Variants in SAMSN1 observed in about 807,000 individuals in gnomAD.
SAMSN1 encodes the protein SAM domain-containing protein SAMSN-1.
A neutral mutation model predicts 42.0 loss-of-function variants in SAMSN1; 31 were observed. That is an observed-to-expected ratio of 0.74 (90% CI 0.55 to 1.00). SAMSN1 has a LOEUF of 1.00. Among genes scored for constraint, SAMSN1 ranks in the 50% least tolerant of loss-of-function variants. SAMSN1 has a pLI of 0.00. For missense variants in SAMSN1, 464 were observed against 439.4 expected (o/e 1.06, Z -0.50); for synonymous variants, 178 against 151.9 (o/e 1.17, Z -1.26).
At chr21:14,613,668 A>G (rs1982765794) in intron 3 of SAMSN1, among the ~76,000 whole-genome samples, 1 of 152,140 alleles carries the variant, frequency 6.6e-6, no homozygotes, top group Admixed American at 6.5e-5. Context: ...CTCTTGGCAC[A>G]TAGCAAGCAT....
At chr21:14,492,349 G>A (rs1399627315) in intron 7 of SAMSN1, among the ~76,000 whole-genome samples, 1 of 152,198 alleles carries the variant, frequency 6.6e-6, no homozygotes, top group African/African-American at 2.4e-5. Context: ...TTGTATGTGT[G>A]AGGTGGGATT....
chr21:14,629,869 A>T (rs578106055), intron 2 of SAMSN1, among the ~76,000 whole-genome samples: 1 of 152,158 alleles, frequency 6.6e-6, no homozygotes, highest in Non-Finnish European at 1.5e-5. Context: ...CCTCCTTTGC[A>T]AAAAGATTCC....
chr21:14,496,261 A>G (rs1318508429), intron 7 of SAMSN1: 1 of 152,082 alleles, frequency 6.6e-6, no homozygotes, highest in Non-Finnish European at 1.5e-5. Context: ...ATATTGGCCA[A>G]TTTGCACATG....
chr21:14,558,709 AC>A (rs955188085), intron 2 of SAMSN1, among the ~76,000 whole-genome samples: 9 of 151,982 alleles, frequency 5.9e-5, no homozygotes. Context: ...AACAACAACA[AC>A]AACAACAACC....
chr21:14,625,802 C>T (rs987738599), intron 2 of SAMSN1, among the ~76,000 whole-genome samples: 1 of 152,080 alleles, frequency 6.6e-6, no homozygotes, highest in Non-Finnish European at 1.5e-5. Flanking sequence ...TGGAACCAAA[C>T]AAGAGCCTGC....
At chr21:14,639,609 T>C (rs1188036519) in intron 2 of SAMSN1, among the ~76,000 whole-genome samples, 1 of 152,118 alleles carries the variant, frequency 6.6e-6, no homozygotes, top group Non-Finnish European at 1.5e-5. Context: ...ATCCAAACCA[T>C]AGCATTCTCA....
At chr21:14,585,598 C>G (rs1981892932), upstream of SAMSN1, 1 of 152,156 alleles carries the variant, frequency 6.6e-6, no homozygotes, top group South Asian at 2.1e-4. Flanking sequence ...TTATTTTGTT[C>G]ACATTCTATT....
intron 2 of SAMSN1, among the ~76,000 whole-genome samples, chr21:14,638,508 TA>T (rs1983520011): frequency 6.6e-6 from 1 of 152,230 alleles, no homozygotes; most frequent in Non-Finnish European, 1.5e-5. Context: ...ACACAGTTTC[TA>T]TTGCATTCTA....
chr21:14,536,027 A>G (rs1979586756), intron 1 of SAMSN1, among the ~76,000 whole-genome samples: 1 of 152,242 alleles, frequency 6.6e-6, no homozygotes, highest in Admixed American at 6.5e-5. Flanking sequence ...CAACAGAGAT[A>G]GTTTAAAATC....
chr21:14,512,638 C>CA, intron 3 of SAMSN1, 65 bp from the exon 4 acceptor site: 1 of 1,459,998 alleles, frequency 6.8e-7, no homozygotes, highest in Non-Finnish European at 9.5e-7. Context: ...ACATTGAGTA[C>CA]ATTGATTTAA....
At chr21:14,498,707 A>G in intron 6 of SAMSN1, 115 bp from the exon 7 acceptor site, 1 of 699,280 alleles carries the variant, frequency 1.4e-6, no homozygotes, top group Non-Finnish European at 2.2e-6. Flanking sequence ...TGCCAATAGA[A>G]CTTTTACTTA....
chr21:14,559,391 C>A (rs935762913), intron 2 of SAMSN1, among the ~76,000 whole-genome samples: 1 of 152,154 alleles, frequency 6.6e-6, no homozygotes, highest in Non-Finnish European at 1.5e-5. Flanking sequence ...GGTCTTTAAA[C>A]CAGCACAGCT....
intron 7 of SAMSN1, among the ~76,000 whole-genome samples, chr21:14,489,739 TTAAAA>T (rs1459695569): frequency 1.3e-5 from 2 of 152,124 alleles, no homozygotes; most frequent in Non-Finnish European, 2.9e-5. Context: ...AATTTGCATA[TTAAAA>T]TAATTTATTT....
chr21:14,641,665 G>A (rs1267926532), intron 2 of SAMSN1, among the ~76,000 whole-genome samples: 4 of 152,188 alleles, frequency 2.6e-5, no homozygotes, highest in Non-Finnish European at 4.4e-5. Context: ...ATCAGGAAAA[G>A]TGTGATTTTA....
intron 2 of SAMSN1, among the ~76,000 whole-genome samples, chr21:14,618,794 CTTTAA>C (rs1025876138): frequency 6.6e-6 from 1 of 151,870 alleles, no homozygotes; most frequent in Non-Finnish European, 1.5e-5. Context: ...ATGTCTAGTC[CTTTAA>C]TTTGACATTT....
At chr21:14,588,505 G>C (rs1981990815) in intron 7 of SAMSN1, among the ~76,000 whole-genome samples, 1 of 151,610 alleles carries the variant, frequency 6.6e-6, no homozygotes, top group South Asian at 2.1e-4. Flanking sequence ...CAGTGATGAT[G>C]AGCATTTTTT....
chr21:14,512,488 G>A lies in SAMSN1; in HGVS notation c.365C>T (p.Ala122Val), dbSNP rs1417298751. 6.2e-7 allele frequency: 1 copy of A among 1,613,786 alleles called. No homozygotes were observed. Among genetic ancestry groups the A allele is most frequent in the Non-Finnish European group, 8.5e-7 (1 of 1,179,834 alleles). ...GTHTEKVSLK[A>V]SDSMDSLYSG... ...GTAGAGACTATCCATGGAGTCACTG[G>A]CTTTGAGGGACACCTTCTCTGTGTG... The change falls in exon 4 of 8, where the codon GCC (alanine) becomes GTC (valine). Residue 122 changes from alanine to valine, a missense_variant. Transcript: ENST00000400566.
chr21:14,647,220 C>A (rs1279656876), intron 1 of SAMSN1, among the ~76,000 whole-genome samples: 1 of 152,158 alleles, frequency 6.6e-6, no homozygotes, highest in African/African-American at 2.4e-5. Flanking sequence ...CCAGTTTTCC[C>A]AGCACCATTT....
chr21:14,602,300 C>T (rs1444202609), intron 5 of SAMSN1, among the ~76,000 whole-genome samples: 3 of 151,450 alleles, frequency 2.0e-5, no homozygotes, highest in Admixed American at 2.0e-4. Context: ...AGAAATTTAA[C>T]AAAATAGGGA....
Sources: gnomAD v4.1 joint callset for allele counts (sites outside exome capture counted in the v4.1 genomes callset) on GRCh38, gnomAD v4.1.1 for gene constraint, MANE v1.5 for transcripts, NCBI Gene and HGNC (gene_info 2026-07-23, HGNC 2026-07-21) for gene names.